The following LRMDA variants were observed in gnomAD, a reference collection of about 807,000 sequenced individuals.
The protein encoded by LRMDA is leucine rich melanocyte differentiation associated.
Under a neutral mutation model 29.8 loss-of-function variants are expected in LRMDA, and 18 were observed. The observed-to-expected ratio is 0.60, with a 90% confidence interval of 0.42 to 0.90. LRMDA has a LOEUF of 0.90. LRMDA is among the 40% of genes least tolerant of loss of function. The pLI is 0.00. For synonymous variants in LRMDA, 125 were observed against 109.4 expected (o/e 1.14, Z -0.89); for missense variants, 273 against 273.9 (o/e 1.00, Z 0.02).
chr10:75,683,547 AATC>A (rs1469832927), intron 2 of LRMDA, among the ~76,000 whole-genome samples: 3 of 152,258 alleles, frequency 2.0e-5, no homozygotes, highest in African/African-American at 4.8e-5. Context: ...ATGCTACAGT[AATC>A]ATAGAGAAAT....
At chr10:76,062,787 T>C (rs1034105788) in intron 5 of LRMDA, among the ~76,000 whole-genome samples, 1 of 151,912 alleles carries the variant, frequency 6.6e-6, no homozygotes. Context: ...ATATTGGCCA[T>C]TGAATCATGC....
chr10:75,818,758 C>A (rs1844104396), intron 2 of LRMDA, among the ~76,000 whole-genome samples: 1 of 152,206 alleles, frequency 6.6e-6, no homozygotes. Flanking sequence ...TGTGGTTCCA[C>A]CTCCCCACCC....
intron 2 of LRMDA, among the ~76,000 whole-genome samples, chr10:75,901,210 T>TA (rs955686287): frequency 5.9e-5 from 9 of 152,322 alleles, no homozygotes; most frequent in Non-Finnish European, 1.2e-4. Flanking sequence ...CTCTAGCACT[T>TA]ACCATCAATG....
rs1845593861 is a variant in LRMDA at position 75,896,956 on chromosome 10, ACT to A, written c.132-139051_132-139050del. On this transcript the variant is annotated intron_variant, in intron 2 of 6. Transcript: ENST00000611255. ...TTGGTTGTAAAGTTGAATAAAAGGC[ACT>A]TAGTCCAAAACTTCAAAAAAATTGC... Among the ~76,000 whole-genome samples the A allele has an allele frequency of 2.0e-5, 3 of 152,128 alleles. No homozygotes were observed. The East Asian group carries it at 5.8e-4, about 29-fold the overall frequency.
intron 2 of LRMDA, among the ~76,000 whole-genome samples, chr10:75,508,516 G>T (rs1564788511): frequency 1.3e-5 from 2 of 152,102 alleles, no homozygotes; most frequent in African/African-American, 2.4e-5. Context: ...TTTTAATCCT[G>T]GTCTGTTTAA....
intron 2 of LRMDA, among the ~76,000 whole-genome samples, chr10:75,989,255 G>T (rs1847316995): frequency 6.6e-6 from 1 of 152,182 alleles, no homozygotes; most frequent in African/African-American, 2.4e-5. Flanking sequence ...CCTGAGATTG[G>T]GTAATTTATA....
rs151223708 is a variant in LRMDA, at chr10:75,494,949, G to T, written c.131+56455G>T. ...TGGCAACTAGAAGTCCAGCCATCAT[G>T]TCCACATTCCAGGCTGGCAGCAGGA... On this transcript the variant is annotated intron_variant, in intron 2 of 6. Coordinates refer to ENST00000611255, the MANE Select transcript of LRMDA (RefSeq NM_001305581.2). Among the ~76,000 whole-genome samples, 1,347 of 152,284 alleles carry T rather than the reference G, an allele frequency of 8.8e-3. 45 individuals carry two copies. Among genetic ancestry groups the T allele is most frequent in the Non-Finnish European group, 5.1e-3 (348 of 68,006 alleles).
intron 2 of LRMDA, among the ~76,000 whole-genome samples, chr10:75,507,324 A>G (rs540849117): frequency 2.1e-4 from 32 of 152,104 alleles, no homozygotes; most frequent in Non-Finnish European, 4.3e-4. Context: ...CAAGGGCAGG[A>G]GCTCTCCTGA....
intron 5 of LRMDA, among the ~76,000 whole-genome samples, chr10:76,196,970 C>G (rs567515363): frequency 6.6e-6 from 1 of 152,292 alleles, no homozygotes; most frequent in East Asian, 1.9e-4. Flanking sequence ...ATGGTCCTTT[C>G]TCTTTTTAAT....
chr10:76,011,056 C>T (rs1372373321), intron 2 of LRMDA, among the ~76,000 whole-genome samples: 1 of 152,238 alleles, frequency 6.6e-6, no homozygotes, highest in Admixed American at 6.5e-5. Flanking sequence ...AATATGATCT[C>T]CCTTGGAGTT....
At chr10:75,650,437 A>G (rs1373086533) in intron 2 of LRMDA, among the ~76,000 whole-genome samples, 1 of 151,972 alleles carries the variant, frequency 6.6e-6, no homozygotes, top group Admixed American at 6.5e-5. Flanking sequence ...TAGGTTCTCT[A>G]TTCTTTTAAT....
chr10:75,925,341 C>T (rs1431690454), intron 2 of LRMDA, among the ~76,000 whole-genome samples: 8 of 152,116 alleles, frequency 5.3e-5, no homozygotes, highest in African/African-American at 1.4e-4. Flanking sequence ...TATCAGGCCT[C>T]GGAGTACTTT....
intron 2 of LRMDA, among the ~76,000 whole-genome samples, chr10:75,905,786 T>G (rs1290220254): frequency 6.6e-6 from 1 of 152,176 alleles, no homozygotes; most frequent in Non-Finnish European, 1.5e-5. Context: ...ATAGACAATG[T>G]TCATGCTGTT....
chr10:75,888,591 C>T (rs117951646), intron 2 of LRMDA, among the ~76,000 whole-genome samples: 94 of 152,236 alleles, frequency 6.2e-4, no homozygotes, highest in Middle Eastern at 3.4e-3. Flanking sequence ...GAGATTAGCA[C>T]GAATGTTTAG....
chr10:76,128,904 C>T (rs887163423), intron 5 of LRMDA, among the ~76,000 whole-genome samples: 2 of 152,280 alleles, frequency 1.3e-5, no homozygotes, highest in Non-Finnish European at 2.9e-5. Context: ...CAAGGAGCGT[C>T]TACCTTATTC....
intron 2 of LRMDA, among the ~76,000 whole-genome samples, chr10:75,872,493 A>G (rs1721824581): frequency 6.6e-6 from 1 of 151,838 alleles, no homozygotes; most frequent in Non-Finnish European, 1.5e-5. Flanking sequence ...TTTAGTAGAG[A>G]TGGGGTTTCA....
At chr10:75,562,588 A>G (rs1840313001) in intron 2 of LRMDA, among the ~76,000 whole-genome samples, 1 of 152,002 alleles carries the variant, frequency 6.6e-6, no homozygotes, top group Non-Finnish European at 1.5e-5. Context: ...TTAGCTGGTT[A>G]TTTTGCTCGT....
intron 2 of LRMDA, among the ~76,000 whole-genome samples, chr10:76,028,767 C>T (rs1848102534): frequency 6.6e-6 from 1 of 151,330 alleles, no homozygotes; most frequent in Non-Finnish European, 1.5e-5. Context: ...ATTTTCTAGC[C>T]TACTTTTTGG....
intron 2 of LRMDA, among the ~76,000 whole-genome samples, chr10:75,777,109 G>A (rs1318414982): frequency 2.6e-5 from 4 of 152,202 alleles, no homozygotes; most frequent in African/African-American, 4.8e-5. Flanking sequence ...CAAGGCTGGG[G>A]GAGACGGAAA....
Sources: gnomAD v4.1 joint callset for allele counts (sites outside exome capture counted in the v4.1 genomes callset) on GRCh38, gnomAD v4.1.1 for gene constraint, MANE v1.5 for transcripts, NCBI Gene and HGNC (gene_info 2026-07-23, HGNC 2026-07-21) for gene names.